Variants in SYN3 observed in about 807,000 individuals in gnomAD.
SYN3 encodes synapsin-3.
Under a neutral mutation model 65.8 loss-of-function variants are expected in SYN3, and 35 were observed. The ratio of observed to expected loss-of-function variants is 0.53; its 90% CI spans 0.41 to 0.70. The LOEUF (loss-of-function observed/expected upper bound fraction) is 0.70, where lower values mean the gene tolerates loss of function less well. Among genes scored for constraint, SYN3 ranks in the 30% least tolerant of loss-of-function variants. The pLI is 0.00. For synonymous variants in SYN3, 270 were observed against 292.9 expected (o/e 0.92, Z 0.80); for missense variants, 680 against 749.0 (o/e 0.91, Z 1.08).
At chr22:32,629,944 T>C (rs999307737) in intron 6 of SYN3, 4 of 151,540 alleles carry the variant, frequency 2.6e-5, no homozygotes, top group African/African-American at 4.8e-5. Flanking sequence ...TGCAAACTCA[T>C]AAATCAAAAT....
rs5994612 is a variant in SYN3 at position 32,727,603 on chromosome 22, C to T, written c.712-130867G>A. ...TTGAACTAATTTATGCTCCTACCAA[C>T]GGTGTAAAAGTGTTCTTTTCTCCAC... On this transcript the variant is annotated intron_variant, in intron 6 of 13. Coordinates refer to ENST00000358763, the MANE Select transcript of SYN3 (RefSeq NM_003490.4). Among the ~76,000 whole-genome samples, 632 of 152,314 alleles carry T rather than the reference C, an allele frequency of 4.1e-3. 3 individuals carry two copies. The highest frequency in any genetic ancestry group is 0.013 in the East Asian group (65 of 5,180).
At chr22:32,734,388 C>T (rs904926490) in intron 6 of SYN3, among the ~76,000 whole-genome samples, 6 of 152,208 alleles carry the variant, frequency 3.9e-5, no homozygotes, top group South Asian at 2.1e-4. Flanking sequence ...TACACATCCC[C>T]GGCTGCCCCA....
intron 6 of SYN3, among the ~76,000 whole-genome samples, chr22:32,611,838 A>T (rs2059450065): frequency 6.6e-6 from 1 of 151,360 alleles, no homozygotes; most frequent in East Asian, 1.9e-4. Context: ...TAATGAGGCC[A>T]CTCTTGGTGG....
intron 6 of SYN3, among the ~76,000 whole-genome samples, chr22:32,847,255 C>T (rs998993655): frequency 3.9e-5 from 6 of 152,170 alleles, no homozygotes; most frequent in Non-Finnish European, 8.8e-5. Context: ...AAACAGTCCC[C>T]GGGGCCTCCG....
chr22:32,869,339 TCTC>T (rs1186153127), intron 4 of SYN3, among the ~76,000 whole-genome samples: 2 of 75,976 alleles, frequency 2.6e-5, no homozygotes, highest in African/African-American at 1.1e-4. Flanking sequence ...ATTCTCTCTC[TCTC>T]TCTCTCTCTC....
chr22:33,033,127 C>T (rs931364036), intron 1 of SYN3, among the ~76,000 whole-genome samples: 1 of 151,856 alleles, frequency 6.6e-6, no homozygotes, highest in Non-Finnish European at 1.5e-5. Context: ...ACTACAGGCA[C>T]CCACCACCAC....
intron 7 of SYN3, among the ~76,000 whole-genome samples, chr22:32,572,509 T>A (rs1601665910): frequency 7.4e-6 from 1 of 135,476 alleles, no homozygotes; most frequent in Admixed American, 7.5e-5. Flanking sequence ...CCTTCCTCCC[T>A]CCCTTTCTCT....
intron 6 of SYN3, chr22:32,858,242 T>TCTAAAC: frequency 6.5e-7 from 1 of 1,529,376 alleles, no homozygotes; most frequent in Non-Finnish European, 8.9e-7. Flanking sequence ...CTGGGAAGGG[T>TCTAAAC]ATGCATGTGT....
At chr22:32,566,938 A>G (rs755775640) in intron 7 of SYN3, among the ~76,000 whole-genome samples, 5 of 152,136 alleles carry the variant, frequency 3.3e-5, no homozygotes, top group Non-Finnish European at 5.9e-5. Context: ...AATGAAATCT[A>G]CAAAGGAGAA....
intron 1 of SYN3, among the ~76,000 whole-genome samples, chr22:33,018,724 T>A (rs1432056129): frequency 2.6e-5 from 4 of 152,138 alleles, no homozygotes; most frequent in African/African-American, 9.7e-5. Context: ...AGAGTGGACA[T>A]GTCTGCTTGG....
intron 3 of SYN3, among the ~76,000 whole-genome samples, chr22:32,938,333 C>A (rs975402580): frequency 1.1e-4 from 16 of 150,538 alleles, no homozygotes; most frequent in African/African-American, 3.9e-4. Context: ...TCAAGACCAT[C>A]CTGGCAAACA....
intron 6 of SYN3, among the ~76,000 whole-genome samples, chr22:32,725,435 A>G (rs528278571): frequency 1.3e-5 from 2 of 152,356 alleles, no homozygotes; most frequent in African/African-American, 2.4e-5. Flanking sequence ...AAAGATGCCT[A>G]TGTCCTAATT....
chr22:32,857,271 T>C, intron 6 of SYN3: 1 of 1,614,110 alleles, frequency 6.2e-7, no homozygotes, highest in Non-Finnish European at 8.5e-7. Context: ...TTCACCAAGA[T>C]GCCCCATGTG....
intron 2 of SYN3, among the ~76,000 whole-genome samples, chr22:32,993,944 A>C (rs932647156): frequency 6.6e-6 from 1 of 152,148 alleles, no homozygotes; most frequent in Non-Finnish European, 1.5e-5. Flanking sequence ...CATTTCCCCC[A>C]GATTTTCTAG....
intron 6 of SYN3, among the ~76,000 whole-genome samples, chr22:32,692,799 T>A (rs2060684015): frequency 6.6e-6 from 1 of 152,212 alleles, no homozygotes; most frequent in South Asian, 2.1e-4. Context: ...CATATTATAT[T>A]ATACACACTT....
intron 6 of SYN3, among the ~76,000 whole-genome samples, chr22:32,660,605 T>G (rs1331883604): frequency 6.6e-6 from 1 of 152,216 alleles, no homozygotes; most frequent in Admixed American, 6.5e-5. Context: ...AAAATGGCGC[T>G]AAATGCTCCA....
intron 6 of SYN3, among the ~76,000 whole-genome samples, chr22:32,795,505 T>C (rs135153): frequency 0.95 from 144,003 of 152,298 alleles, 68,202 homozygotes; most frequent in African/African-American, 0.98. Flanking sequence ...ATAGGATCTC[T>C]AGGTGAAATT....
At chr22:32,808,536 T>C (rs2046827114) in intron 6 of SYN3, among the ~76,000 whole-genome samples, 1 of 152,160 alleles carries the variant, frequency 6.6e-6, no homozygotes, top group Non-Finnish European at 1.5e-5. Flanking sequence ...TAGGATAAAG[T>C]ATCATCAAAT....
chr22:32,549,299 G>C (rs1200802603), intron 7 of SYN3, among the ~76,000 whole-genome samples: 5 of 152,028 alleles, frequency 3.3e-5, no homozygotes, highest in Non-Finnish European at 7.4e-5. Flanking sequence ...TGTCACCCAG[G>C]CTGGAATGCA....
Sources: allele counts gnomAD v4.1 joint callset (sites outside exome capture counted in the v4.1 genomes callset), GRCh38; gene constraint gnomAD v4.1.1; transcripts MANE v1.5; gene names NCBI Gene and HGNC (gene_info 2026-07-23, HGNC 2026-07-21).